MUC6: variants seen among roughly 807,000 people sequenced by gnomAD.
The protein encoded by MUC6 is mucin 6, oligomeric mucus/gel-forming (gene/pseudogene), also known as mucin-6.
In MUC6, 188 loss-of-function variants were observed where a neutral mutation model predicts 201.5. The ratio of observed to expected loss-of-function variants is 0.93; its 90% confidence interval spans 0.83 to 1.05. The LOEUF is 1.05. Ranked by LOEUF, MUC6 falls within the 50% of genes least tolerant of loss-of-function variation. MUC6 has a pLI of 0.00. For missense variants in MUC6, 2,706 were observed against 3,256.9 expected (o/e 0.83, Z 4.12); for synonymous variants, 1,228 against 1,389.4 (o/e 0.88, Z 2.58).
chr11:1,023,718 T>A, intron 25 of MUC6, 66 bp from the exon 26 acceptor site: 1 of 1,587,086 alleles, frequency 6.3e-7, no homozygotes. Flanking sequence ...ACCCGGTGGT[T>A]CCCCTGGGCA....
At chr11:1,020,880 C>T (rs927267413) in intron 27 of MUC6, 146 bp from the exon 28 acceptor site, 2 of 1,072,184 alleles carry the variant, frequency 1.9e-6, no homozygotes, top group African/African-American at 1.6e-5. Flanking sequence ...ACCCTCCCCT[C>T]TCTCCCTTTC....
At position 1,023,368 on chromosome 11, in the gene MUC6, A is replaced by C. The variant is rs569041759; in HGVS notation, c.3526+141T>G. ...AATGTGCGTGAGTGTGTGTGAATGA[A>C]TGTGTGCAAATTAATGAATGTGTGA... On this transcript the variant is annotated intron_variant, in intron 26 of 32. Coordinates refer to ENST00000421673, the MANE Select transcript of MUC6 (RefSeq NM_005961.3). 431 of 1,087,790 alleles carry C rather than the reference A, an allele frequency of 4.0e-4. 5 individuals carry two copies. The South Asian group carries it at 6.4e-3, about 16-fold the overall frequency. 67.4% of individuals were successfully genotyped at this position (1,087,790 alleles called of 1,614,324 possible). A position where few individuals can be genotyped will look rare whatever the true frequency, so the allele number is the denominator to read the frequency against.
chr11:1,031,088 G>A (rs1367541767), intron 5 of MUC6, 32 bp from the exon 6 acceptor site: 2 of 1,546,554 alleles, frequency 1.3e-6, no homozygotes, highest in Non-Finnish European at 1.7e-6. Context: ...AGCACCGTGG[G>A]GGCTGGGCCT....
rs1460941282 is a variant in MUC6, at chr11:1,016,042, C to A, written c.6759G>T (p.Arg2253Ser). Reference protein sequence around the residue: ...SSTIAFPSTPRTTASTHTAPA... With the variant: ...SSTIAFPSTPSTTASTHTAPA... ...GGGCGGTGTGGGTGCTGGCCGTGGT[C>A]CTGGGCGTGGACGGAAATGCAATGG... The change falls in exon 31 of 33, where the codon AGG (arginine) becomes AGT (serine). Residue 2253 changes from arginine to serine, a missense_variant. Physicochemically the swap from Arg to Ser is moderately radical, Grantham distance 110. Around this residue, in one of 10 missense-constraint regions of MUC6, gnomAD observed 586 missense variants for 488.0 expected, o/e 1.20. Transcript: ENST00000421673. 6 of 1,611,096 alleles carry A rather than the reference C, an allele frequency of 3.7e-6. No homozygotes were observed. The East Asian group carries it at 1.1e-4, about 30-fold the overall frequency.
intron 27 of MUC6, 105 bp downstream of exon 27, chr11:1,021,110 G>T: frequency 8.7e-7 from 1 of 1,149,096 alleles, no homozygotes; most frequent in Non-Finnish European, 1.2e-6. Flanking sequence ...TCACGTAAGG[G>T]CTCACAGCCC....
intron 6 of MUC6, 44 bp from the exon 7 acceptor site, chr11:1,030,824 A>AT (rs1857084183): frequency 2.6e-6 from 4 of 1,530,240 alleles, no homozygotes; most frequent in Non-Finnish European, 3.5e-6. Flanking sequence ...GCCACACCCC[A>AT]TGCCACCACG....
At chr11:1,032,987 A>T in intron 2 of MUC6, 26 bp downstream of exon 2, 1 of 1,565,240 alleles carries the variant, frequency 6.4e-7, no homozygotes, top group Non-Finnish European at 8.7e-7. Flanking sequence ...TCTGGGCGGC[A>T]GGATCAGTGG....
chr11:1,026,001 G>A lies in MUC6; in HGVS notation c.2687C>T (p.Thr896Met), dbSNP rs191759836. The change falls in exon 21 of 33, where the codon ACG (threonine) becomes ATG (methionine). Residue 896 changes from threonine to methionine, a missense_variant and splice_region_variant. Coordinates refer to ENST00000421673, the MANE Select transcript of MUC6 (RefSeq NM_005961.3). ...FDGNCEYILA[T>M]DVCGVNDSQP... ...TGCGGCCTGGCACCCGATGGTTACCGTGGCCAGGATGTACTCGCAGTTGCC... is the reference window on the plus strand; with the variant it reads ...TGCGGCCTGGCACCCGATGGTTACCATGGCCAGGATGTACTCGCAGTTGCC... The A allele has an allele frequency of 4.7e-3, 7,442 of 1,587,262 alleles. 27 individuals carry two copies. The highest frequency in any genetic ancestry group is 5.6e-3 in the Middle Eastern group (34 of 6,036).
At chr11:1,034,974 G>A (rs941816024) in intron 1 of MUC6, among the ~76,000 whole-genome samples, 4 of 152,236 alleles carry the variant, frequency 2.6e-5, no homozygotes, top group Admixed American at 6.5e-5. Flanking sequence ...CCCCTCGGCT[G>A]ATCCCTTGGC....
rs781051519 is a variant in MUC6 at position 1,031,977 on chromosome 11, C to T, written c.192G>A (p.Ser64=). The stretch of plus-strand genomic sequence containing the variant: ...CCGCGAAGATGTAGTTGCACGTCCC[C>T]GAGAAGTCGTACACGTGGTGGTCGA... The part of the protein sequence containing the change: ...STFDHHVYDF[S]GTCNYIFAAT... The change falls in exon 3 of 33, where the codon TCG becomes TCA. Residue 64 remains serine (S), a synonymous_variant. Coordinates refer to ENST00000421673, the MANE Select transcript of MUC6 (RefSeq NM_005961.3). 1.1e-5 allele frequency: 18 copies of T among 1,613,630 alleles called. No homozygotes were observed. Among genetic ancestry groups the T allele is most frequent in the East Asian group, 8.9e-5 (4 of 44,882 alleles).
At chr11:1,023,688 T>C in intron 25 of MUC6, 36 bp from the exon 26 acceptor site, 2 of 1,603,980 alleles carry the variant, frequency 1.2e-6, no homozygotes, top group Non-Finnish European at 1.7e-6. Context: ...GTGGGGTTCC[T>C]GGCCCTGGCC....
chr11:1,019,769 C>T, intron 29 of MUC6: 1 of 617,274 alleles, frequency 1.6e-6, no homozygotes, highest in South Asian at 2.0e-5. Flanking sequence ...CCTGTCCCCT[C>T]CAGGGTCCCT....
In MUC6 at chr11:1,013,433, C is replaced by G. The variant is rs751268641; in HGVS notation, c.*23G>C. On this transcript the variant is annotated 3_prime_UTR_variant, in exon 33 of 33. Coordinates refer to ENST00000421673, the MANE Select transcript of MUC6 (RefSeq NM_005961.3). ...TCTGTCATCTGCAGTCCTTCAGCCC[C>G]AGGAGAGCAGGCAGCGACCCTGCTA... 3.4e-5 allele frequency: 53 copies of G among 1,556,114 alleles called. No individual in the cohort carries two copies. Among genetic ancestry groups the G allele is most frequent in the Non-Finnish European group, 4.4e-5 (51 of 1,150,918 alleles).
At chr11:1,020,851 C>A in intron 27 of MUC6, 117 bp from the exon 28 acceptor site, 1 of 1,324,302 alleles carries the variant, frequency 7.6e-7, no homozygotes, top group Non-Finnish European at 1.0e-6. Flanking sequence ...GTGGAGGGGA[C>A]TGGAGGGGCT....
intron 20 of MUC6, 35 bp from the exon 21 acceptor site, chr11:1,026,176 G>C (rs183634739): frequency 1.9e-6 from 3 of 1,569,140 alleles, no homozygotes; most frequent in Admixed American, 1.8e-5. Context: ...GTGGGCCTGC[G>C]GCCCTCCTGC....
intron 9 of MUC6, 41 bp downstream of exon 9, chr11:1,029,454 C>T: frequency 3.1e-6 from 5 of 1,608,078 alleles, no homozygotes; most frequent in Non-Finnish European, 4.2e-6. Context: ...CCAGTGGAAC[C>T]CCTGCCGGCC....
rs552791428 is a variant in MUC6, at chr11:1,032,013, G to A, written c.156C>T (p.His52=). 6.0e-5 allele frequency: 97 copies of A among 1,613,456 alleles called. 1 individual carries two copies. The South Asian group carries it at 1.0e-3, about 17-fold the overall frequency. Residue 52 remains histidine, a synonymous_variant, in exon 3 of 33, where the codon CAC becomes CAT. Coordinates refer to ENST00000421673, the MANE Select transcript of MUC6 (RefSeq NM_005961.3). ...ACACGTGGTGGTCGAAGGTGGAGAAGTGACCAGCCCCCCACGTGGAGCACT... is the reference window on the plus strand; with the variant it reads ...ACACGTGGTGGTCGAAGGTGGAGAAATGACCAGCCCCCCACGTGGAGCACT... ...KGQCSTWGAG[H]FSTFDHHVYD... is the part of the protein sequence containing the mutation.
rs550189031 is a variant in MUC6, at chr11:1,033,902, C to T, written c.53-827G>A. On this transcript the variant is annotated intron_variant, in intron 1 of 32. Transcript: ENST00000421673. This position sits in a 1 kb window ranked among gnomAD's most constrained non-coding sequence, Gnocchi z 5.6. ...GACCTCTCCAGGCCCTTCTTGGGGC[C>T]GGGACCCTCCTTGCCCCTGCCCATT... Among the ~76,000 whole-genome samples, 13 of 152,224 alleles carry T rather than the reference C, an allele frequency of 8.5e-5. No individual in the cohort carries two copies. The highest frequency in any genetic ancestry group is 2.4e-4 in the African/African-American group (10 of 41,548).
At chr11:1,032,293 G>GT (rs1389223541) in intron 2 of MUC6, among the ~76,000 whole-genome samples, 1 of 152,190 alleles carries the variant, frequency 6.6e-6, no homozygotes, top group Admixed American at 6.5e-5. Context: ...TGTTGTGTGT[G>GT]TGCACGTGTG....
Sources: allele counts gnomAD v4.1 joint callset (sites outside exome capture counted in the v4.1 genomes callset), GRCh38; gene constraint gnomAD v4.1.1; regional missense constraint gnomAD v4.1.1; non-coding constraint Gnocchi (gnomAD v3.1); transcripts MANE v1.5; gene names NCBI Gene and HGNC (gene_info 2026-07-23, HGNC 2026-07-21).